MAPK8IP3: variants seen among roughly 807,000 people sequenced by gnomAD.
MAPK8IP3 encodes the protein mitogen-activated protein kinase 8 interacting protein 3, also known as C-Jun-amino-terminal kinase-interacting protein 3.
In MAPK8IP3, 49 loss-of-function variants were observed where a neutral mutation model predicts 157.8. That is an observed-to-expected ratio of 0.31 (90% CI 0.25 to 0.39). The LOEUF (loss-of-function observed/expected upper bound fraction) is 0.39. Ranked by LOEUF, MAPK8IP3 falls within the 10% of genes least tolerant of loss-of-function variation. The pLI, the probability that MAPK8IP3 is intolerant of heterozygous loss-of-function variation, is 1.00. For missense variants in MAPK8IP3, 1,478 were observed against 1,889.4 expected (o/e 0.78, Z 4.04); for synonymous variants, 897 against 777.7 (o/e 1.15, Z -2.55).
intron 1 of MAPK8IP3, among the ~76,000 whole-genome samples, chr16:1,722,097 C>T (rs2038567269): frequency 6.6e-6 from 1 of 152,124 alleles, no homozygotes; most frequent in Non-Finnish European, 1.5e-5. Flanking sequence ...TCTTATCAGT[C>T]GATTAATAGC....
chr16:1,762,609 CAG>C lies in MAPK8IP3; in HGVS notation c.1671-61_1671-60del, dbSNP rs1945121655. The C allele has an allele frequency of 3.9e-6, 6 of 1,545,492 alleles. No homozygotes were observed. The South Asian group carries it at 6.2e-5, about 16-fold the overall frequency. ...GCGCTGGGTGCTTCCTGGCGGGAGCCAGAGAGTCGCAGGTAAGGGAGGCGTGA... is the reference window on the plus strand; with the variant it reads ...GCGCTGGGTGCTTCCTGGCGGGAGCCAGAGTCGCAGGTAAGGGAGGCGTGA... On this transcript the variant is annotated intron_variant, in intron 14 of 31. Coordinates refer to ENST00000610761, the MANE Select transcript of MAPK8IP3 (RefSeq NM_001318852.2).
intron 5 of MAPK8IP3, chr16:1,745,407 T>A (rs2040903871): frequency 6.5e-6 from 1 of 153,000 alleles, no homozygotes; most frequent in African/African-American, 2.4e-5. Flanking sequence ...CAGCACAGAC[T>A]TCTTGCATGA....
intron 22 of MAPK8IP3, 35 bp from the exon 23 acceptor site, chr16:1,766,494 C>T (rs780468239): frequency 2.1e-5 from 34 of 1,606,468 alleles, no homozygotes; most frequent in Middle Eastern, 3.3e-4. Flanking sequence ...GTGCGTGCTC[C>T]GTGGCCCCCC....
At position 1,723,229 on chromosome 16, in the gene MAPK8IP3, T is replaced by C. The variant is rs1274091178; in HGVS notation, c.319-1328T>C. Among the ~76,000 whole-genome samples the C allele has an allele frequency of 7.9e-5, 12 of 151,692 alleles. 1 individual carries two copies. The South Asian group carries it at 2.5e-3, about 32-fold the overall frequency. On this transcript the variant is annotated intron_variant, in intron 1 of 31. Transcript: ENST00000610761. Reference sequence around the variant, plus strand: ...TTGTATTTTTTAGTAGAAACAGAGTTTCACCATGTTGGTCAGGCTGGTCTC... The same window carrying C: ...TTGTATTTTTTAGTAGAAACAGAGTCTCACCATGTTGGTCAGGCTGGTCTC...
chr16:1,768,044 T>C (rs923200376), intron 28 of MAPK8IP3, 25 bp from the exon 29 acceptor site: 6 of 1,612,198 alleles, frequency 3.7e-6, no homozygotes, highest in African/African-American at 1.3e-5. Context: ...TCTCCTCTTC[T>C]CCCATGCTCC....
rs531647082 is a variant in MAPK8IP3, at chr16:1,724,231, C to T, written c.319-326C>T. Among the ~76,000 whole-genome samples the T allele has an allele frequency of 2.0e-5, 3 of 152,268 alleles. No individual in the cohort carries two copies. The highest frequency in any genetic ancestry group is 4.4e-5 in the Non-Finnish European group (3 of 68,050). On this transcript the variant is annotated intron_variant, in intron 1 of 31. Coordinates refer to ENST00000610761, the MANE Select transcript of MAPK8IP3 (RefSeq NM_001318852.2). This position sits in a 1 kb window ranked among gnomAD's most constrained non-coding sequence, Gnocchi z 4.1. ...CTGAGTGCAGGGCCCCGCATTGCTG[C>T]CCGGGTCTCATGCAGCCACGAAGGC... is the stretch of plus-strand genomic sequence containing the variant.
intron 4 of MAPK8IP3, among the ~76,000 whole-genome samples, chr16:1,738,197 A>G (rs1487493938): frequency 2.9e-5 from 2 of 69,990 alleles, no homozygotes; most frequent in African/African-American, 6.6e-5. Flanking sequence ...TGAGCGTGTG[A>G]CCGTCCGTGT....
chr16:1,740,664 G>A (rs35753144), intron 4 of MAPK8IP3, among the ~76,000 whole-genome samples: 31,929 of 152,198 alleles, frequency 0.21, 3,552 homozygotes, highest in East Asian at 0.35. Context: ...TGTCGCTGCC[G>A]TGTGCTGCCG....
At chr16:1,759,782 A>G (rs1225753808) in intron 10 of MAPK8IP3, among the ~76,000 whole-genome samples, 176 bp from the exon 11 acceptor site, 1 of 152,218 alleles carries the variant, frequency 6.6e-6, no homozygotes, top group Non-Finnish European at 1.5e-5. Flanking sequence ...TGCTCTGTGC[A>G]CAGACTGCGG....
chr16:1,717,525 A>C (rs992365381), intron 1 of MAPK8IP3, among the ~76,000 whole-genome samples: 22 of 152,222 alleles, frequency 1.4e-4, no homozygotes, highest in Non-Finnish European at 2.9e-4. Flanking sequence ...TCATGTCCAG[A>C]TGCCACACAG....
At chr16:1,735,610 CATCCGTGTGAGCATCCGTGTGACT>C (rs2039666082) in intron 4 of MAPK8IP3, among the ~76,000 whole-genome samples, 1 of 141,132 alleles carries the variant, frequency 7.1e-6, no homozygotes. Flanking sequence ...TCCGTGTGAC[CATCCGTGTGAGCATCCGTGTGACT>C]GTCCATGTGA....
At chr16:1,737,861 AGCATCT>A in intron 4 of MAPK8IP3, among the ~76,000 whole-genome samples, 1 of 73,110 alleles carries the variant, frequency 1.4e-5, no homozygotes, top group African/African-American at 5.5e-5. Context: ...CATCCATGTG[AGCATCT>A]GTGTGACCGT....
chr16:1,735,273 C>T lies in MAPK8IP3; in HGVS notation c.602+5695C>T, dbSNP rs1157881608. ...GTGAGCATCCGTGTGAGCATGTGAC[C>T]GTCTGTGAGTGTGCGACGGTCCATG... On this transcript the variant is annotated intron_variant, in intron 4 of 31. Transcript: ENST00000610761. 7.0e-5 allele frequency among the ~76,000 whole-genome samples: 10 copies of T among 142,384 alleles called. No homozygotes were observed. In the East Asian group the frequency reaches 8.8e-4, roughly 13 times the overall value. The allele number at this position is 142,384 out of a possible 152,430, so 93.4% of individuals were successfully genotyped here. A position where few individuals can be genotyped will look rare whatever the true frequency, so the allele number is the denominator to read the frequency against.
chr16:1,744,792 T>C (rs1208016563), intron 5 of MAPK8IP3: 3 of 985,366 alleles, frequency 3.0e-6, no homozygotes, highest in African/African-American at 3.5e-5. Flanking sequence ...CGTCGCTCTC[T>C]TCATAAATTG....
chr16:1,764,066 TG>T, intron 17 of MAPK8IP3, 48 bp from the exon 18 acceptor site: 2 of 1,509,588 alleles, frequency 1.3e-6, no homozygotes, highest in Non-Finnish European at 1.8e-6. Context: ...TCTGGAGGGA[TG>T]GGTAGGAGCC....
At chr16:1,746,776 G>A (rs535245255) in intron 5 of MAPK8IP3, 13 of 543,078 alleles carry the variant, frequency 2.4e-5, no homozygotes, top group African/African-American at 7.6e-5. Context: ...GGAAAGCCCC[G>A]TTCCAAGCCA....
intron 4 of MAPK8IP3, among the ~76,000 whole-genome samples, chr16:1,730,614 A>T (rs972821563): frequency 1.6e-4 from 24 of 151,818 alleles, no homozygotes; most frequent in Non-Finnish European, 2.1e-4. Flanking sequence ...GAGGGCAAGG[A>T]GGGCGGATCA....
chr16:1,739,134 G>T (rs2040393440), intron 4 of MAPK8IP3, among the ~76,000 whole-genome samples: 1 of 140,358 alleles, frequency 7.1e-6, no homozygotes, highest in Admixed American at 7.3e-5. Flanking sequence ...GTGAGCGTGT[G>T]ACCGTCCGTG....
chr16:1,738,423 A>ACCGT (rs1430690153), intron 4 of MAPK8IP3, among the ~76,000 whole-genome samples: 7 of 59,560 alleles, frequency 1.2e-4, no homozygotes, highest in African/African-American at 5.6e-4. Context: ...TGAGCGTGTG[A>ACCGT]CCGTGTGAGA....
Sources: allele counts gnomAD v4.1 joint callset (sites outside exome capture counted in the v4.1 genomes callset), GRCh38; gene constraint gnomAD v4.1.1; non-coding constraint Gnocchi (gnomAD v3.1); transcripts MANE v1.5; gene names NCBI Gene and HGNC (gene_info 2026-07-23, HGNC 2026-07-21).